The following NWD2 variants were observed in gnomAD, a reference collection of about 807,000 sequenced individuals.
NWD2 encodes NACHT and WD repeat domain containing 2, also known as NACHT and WD repeat domain-containing protein 2.
Under a neutral mutation model 132.7 loss-of-function variants are expected in NWD2, and 37 were observed. That is an observed-to-expected ratio of 0.28 (90% CI 0.21 to 0.37). The LOEUF is 0.37. Among genes scored for constraint, NWD2 ranks in the 10% least tolerant of loss-of-function variants. The probability of loss-of-function intolerance (pLI) is 1.00; values close to 1 mark genes in which losing one functional copy is unlikely to be tolerated. For synonymous variants in NWD2, 705 were observed against 803.0 expected, an observed-to-expected ratio of 0.88 and a Z score of 2.06; for missense variants, 1,592 against 2,122.4, an observed-to-expected ratio of 0.75 and a Z score of 4.91.
At chr4:37,251,950 G>A (rs533804384) in intron 1 of NWD2, among the ~76,000 whole-genome samples, 5 of 152,238 alleles carry the variant, frequency 3.3e-5, no homozygotes, top group Admixed American at 6.5e-5. Flanking sequence ...CTGCTCTTAG[G>A]GTATTTACAT....
intron 2 of NWD2, among the ~76,000 whole-genome samples, chr4:37,344,012 T>C (rs917497140): frequency 6.6e-6 from 1 of 152,150 alleles, no homozygotes; most frequent in African/African-American, 2.4e-5. Flanking sequence ...AAAAAGGTAA[T>C]ATCAAATTAC....
At chr4:37,375,836 G>A (rs1454484482) in intron 3 of NWD2, among the ~76,000 whole-genome samples, 1 of 152,100 alleles carries the variant, frequency 6.6e-6, no homozygotes, top group Non-Finnish European at 1.5e-5. Context: ...CAAAGTGCTG[G>A]GATTACAGGC....
intron 3 of NWD2, among the ~76,000 whole-genome samples, chr4:37,398,473 GA>G (rs1457570588): frequency 6.6e-6 from 1 of 152,166 alleles, no homozygotes; most frequent in Non-Finnish European, 1.5e-5. Context: ...AAAGGGGAGG[GA>G]GAGCATTAAG....
chr4:37,346,008 G>T (rs1719629379), intron 2 of NWD2, among the ~76,000 whole-genome samples: 1 of 151,704 alleles, frequency 6.6e-6, no homozygotes, highest in Non-Finnish European at 1.5e-5. Context: ...CTTGAACCTG[G>T]GAGGCAGAGG....
chr4:37,382,247 A>G (rs910324851), intron 3 of NWD2, among the ~76,000 whole-genome samples: 2 of 152,216 alleles, frequency 1.3e-5, no homozygotes, highest in Non-Finnish European at 2.9e-5. Context: ...AGATCAGGAA[A>G]GTCCCGGTTT....
intron 3 of NWD2, among the ~76,000 whole-genome samples, chr4:37,363,516 T>G (rs1446305556): frequency 6.6e-6 from 1 of 152,184 alleles, no homozygotes; most frequent in Non-Finnish European, 1.5e-5. Flanking sequence ...GCTATTTTCC[T>G]AAGTGGATTA....
intron 1 of NWD2, among the ~76,000 whole-genome samples, chr4:37,248,980 C>T (rs1717298825): frequency 6.6e-6 from 1 of 152,158 alleles, no homozygotes; most frequent in South Asian, 2.1e-4. Flanking sequence ...TATAAGGAAA[C>T]ATGAGTTCAC....
chr4:37,246,445 C>T lies in NWD2; in HGVS notation c.151+1227C>T, dbSNP rs566168684. ...ATTAGTATTAGAAAGACGATATACT[C>T]TTGGGGGACGGCACGACTGTCCTTT... On this transcript the variant is annotated intron_variant, in intron 1 of 6. Transcript: ENST00000309447. 3.9e-5 allele frequency among the ~76,000 whole-genome samples: 6 copies of T among 152,266 alleles called. No homozygotes were observed. The East Asian group carries it at 9.7e-4, about 25-fold the overall frequency.
intron 1 of NWD2, among the ~76,000 whole-genome samples, chr4:37,295,795 A>G (rs1000241102): frequency 4.6e-5 from 7 of 152,186 alleles, no homozygotes; most frequent in South Asian, 2.1e-4. Context: ...CCCTTATCCA[A>G]TGACTGTAAT....
intron 3 of NWD2, among the ~76,000 whole-genome samples, chr4:37,373,433 A>C (rs766398412): frequency 1.3e-5 from 2 of 152,234 alleles, no homozygotes; most frequent in African/African-American, 2.4e-5. Flanking sequence ...GTCAAAGCTC[A>C]ATCAGTACAA....
chr4:37,276,583 T>C (rs141953462), intron 1 of NWD2, among the ~76,000 whole-genome samples: 1,983 of 151,988 alleles, frequency 0.013, 39 homozygotes, highest in African/African-American at 0.045. Flanking sequence ...CCAGCCATCC[T>C]ATTACTGGAT....
intron 1 of NWD2, among the ~76,000 whole-genome samples, chr4:37,305,434 G>A (rs1185801027): frequency 6.6e-6 from 1 of 152,174 alleles, no homozygotes; most frequent in East Asian, 1.9e-4. Flanking sequence ...TGGTCGGGCT[G>A]CAAATTTTCC....
chr4:37,396,027 T>C (rs2054500), intron 3 of NWD2, among the ~76,000 whole-genome samples: 107,831 of 151,390 alleles, frequency 0.71, 38,662 homozygotes, highest in South Asian at 0.75. Context: ...CAAAACAAAC[T>C]CCAAGTTCTC....
At chr4:37,297,366 T>C (rs1380713518) in intron 1 of NWD2, among the ~76,000 whole-genome samples, 1 of 152,198 alleles carries the variant, frequency 6.6e-6, no homozygotes, top group Non-Finnish European at 1.5e-5. Flanking sequence ...TTTTCCCAAA[T>C]ATTTTCTATC....
In NWD2 at chr4:37,445,226, G is replaced by T. The variant is rs1177215695; in HGVS notation, c.3238G>T (p.Asp1080Tyr). The change falls in exon 7 of 7, where the codon GAT (aspartate) becomes TAT (tyrosine). Residue 1080 changes from aspartate to tyrosine, a missense_variant. Physicochemically the swap from Asp to Tyr is radical, Grantham distance 160 (BLOSUM62 -3). Coordinates refer to ENST00000309447, the MANE Select transcript of NWD2 (RefSeq NM_001144990.2). The surrounding 1 kb of genome is among the most constrained non-coding windows in gnomAD (Gnocchi z 4.7). ...CCTTGCATGGCTCGAAGCCAGCAAA[G>T]ATGTCACTGTCATCGATCTGCTGTA... ...HALAWLEASK[D>Y]VTVIDLLYGW... The T allele has an allele frequency of 6.4e-7, 1 of 1,551,900 alleles. No individual in the cohort carries two copies. The highest frequency in any genetic ancestry group is 8.7e-7 in the Non-Finnish European group (1 of 1,147,034).
intron 1 of NWD2, among the ~76,000 whole-genome samples, chr4:37,281,707 T>C (rs1438152331): frequency 6.6e-6 from 1 of 152,182 alleles, no homozygotes; most frequent in Non-Finnish European, 1.5e-5. Flanking sequence ...GTGGAGATGG[T>C]ATTTGAGCTA....
chr4:37,309,726 T>A (rs536839089), intron 1 of NWD2, among the ~76,000 whole-genome samples: 1 of 152,300 alleles, frequency 6.6e-6, no homozygotes, highest in East Asian at 1.9e-4. Context: ...AGGGATCTCC[T>A]GCCTTTTCTC....
chr4:37,325,179 A>G (rs1719144492), intron 1 of NWD2, among the ~76,000 whole-genome samples: 1 of 152,220 alleles, frequency 6.6e-6, no homozygotes, highest in South Asian at 2.1e-4. Context: ...ATTCGACATT[A>G]AATGCATACA....
At chr4:37,247,540 T>C (rs1717268272) in intron 1 of NWD2, among the ~76,000 whole-genome samples, 2 of 152,196 alleles carry the variant, frequency 1.3e-5, no homozygotes, top group Admixed American at 1.3e-4. Flanking sequence ...AGGTAGTGCT[T>C]TACAAGGCTT....
Sources: allele counts gnomAD v4.1 joint callset (sites outside exome capture counted in the v4.1 genomes callset), GRCh38; gene constraint gnomAD v4.1.1; non-coding constraint Gnocchi (gnomAD v3.1); transcripts MANE v1.5; gene names NCBI Gene and HGNC (gene_info 2026-07-23, HGNC 2026-07-21).